Variants in MYO1E observed in about 807,000 individuals in gnomAD.
MYO1E encodes unconventional myosin-Ie.
Under a neutral mutation model 151.1 loss-of-function variants are expected in MYO1E, and 68 were observed. The observed-to-expected ratio is 0.45, with a 90% confidence interval of 0.37 to 0.55. The LOEUF is 0.55. Among genes scored for constraint, MYO1E ranks in the 20% least tolerant of loss-of-function variants. The pLI is 0.00. For missense variants in MYO1E, 1,363 were observed against 1,389.3 expected (o/e 0.98, Z 0.30); for synonymous variants, 601 against 501.7 (o/e 1.20, Z -2.64).
At chr15:59,139,848 C>T (rs1382390662) in intron 26 of MYO1E, among the ~76,000 whole-genome samples, 1 of 151,978 alleles carries the variant, frequency 6.6e-6, no homozygotes, top group Non-Finnish European at 1.5e-5. Context: ...ACTCCACAAT[C>T]TTCCCTCCCA....
At chr15:59,357,187 T>TG (rs1414622710) in intron 1 of MYO1E, among the ~76,000 whole-genome samples, 1 of 151,952 alleles carries the variant, frequency 6.6e-6, no homozygotes, top group Non-Finnish European at 1.5e-5. Context: ...ATTACAGGTG[T>TG]GAGCCACCGT....
At chr15:59,266,507 G>C (rs574985903) in intron 2 of MYO1E, among the ~76,000 whole-genome samples, 2 of 152,106 alleles carry the variant, frequency 1.3e-5, no homozygotes, top group Admixed American at 6.5e-5. Flanking sequence ...AACAAACAAT[G>C]CACTGAATTT....
intron 24 of MYO1E, among the ~76,000 whole-genome samples, chr15:59,158,943 C>G (rs2079523135): frequency 6.6e-6 from 1 of 152,178 alleles, no homozygotes; most frequent in African/African-American, 2.4e-5. Flanking sequence ...AAGGAACACA[C>G]TGTGGGTCAC....
In MYO1E at chr15:59,143,539, C is replaced by A. The variant is rs545918657; in HGVS notation, c.3081-5172G>T. 1.6e-4 allele frequency among the ~76,000 whole-genome samples: 24 copies of A among 152,250 alleles called. No homozygotes were observed. In the South Asian group the frequency reaches 4.8e-3, roughly 30 times the overall value. Reference sequence around the variant, plus strand: ...CTGGCCAGCCTGCACATGTCTACACCCTTCTTGTGAGGGCTAGCAGACAGG... The same window carrying A: ...CTGGCCAGCCTGCACATGTCTACACACTTCTTGTGAGGGCTAGCAGACAGG... On this transcript the variant is annotated intron_variant, in intron 26 of 27. Coordinates refer to ENST00000288235, the MANE Select transcript of MYO1E (RefSeq NM_004998.4).
chr15:59,245,273 C>A (rs1248179864), intron 4 of MYO1E, among the ~76,000 whole-genome samples: 1 of 152,212 alleles, frequency 6.6e-6, no homozygotes, highest in Non-Finnish European at 1.5e-5. Context: ...ACGAGAGACC[C>A]ACGAGCCAAA....
At chr15:59,234,212 T>TGATGGATGGATGGATGGATG (rs534252194) in intron 5 of MYO1E, among the ~76,000 whole-genome samples, 1 of 149,046 alleles carries the variant, frequency 6.7e-6, no homozygotes, top group Non-Finnish European at 1.5e-5. Flanking sequence ...CACTGATCAC[T>TGATGGATGGATGGATGGATG]GATGGATGGA....
At chr15:59,210,642 G>T (rs2079873191) in intron 12 of MYO1E, 42 bp from the exon 13 acceptor site, 7 of 1,396,112 alleles carry the variant, frequency 5.0e-6, no homozygotes, top group African/African-American at 2.8e-5. Context: ...TTCCCAGATA[G>T]CAAGAGCTCT....
chr15:59,204,232 G>A (rs1175874752), intron 15 of MYO1E, among the ~76,000 whole-genome samples: 2 of 152,234 alleles, frequency 1.3e-5, no homozygotes, highest in Non-Finnish European at 2.9e-5. Context: ...AAATGGTGGT[G>A]TGGCTGCAAG....
chr15:59,163,762 C>G (rs1022669135), intron 22 of MYO1E, among the ~76,000 whole-genome samples: 1 of 152,142 alleles, frequency 6.6e-6, no homozygotes, highest in African/African-American at 2.4e-5. Flanking sequence ...GAATCATAAG[C>G]TCGGTTCTCA....
At chr15:59,144,755 T>A (rs2079430758) in intron 26 of MYO1E, among the ~76,000 whole-genome samples, 1 of 152,212 alleles carries the variant, frequency 6.6e-6, no homozygotes, top group East Asian at 1.9e-4. Flanking sequence ...AACAGCCATT[T>A]TCCCAGACTC....
chr15:59,197,179 G>C (rs1323958905), intron 16 of MYO1E, among the ~76,000 whole-genome samples: 5 of 151,854 alleles, frequency 3.3e-5, no homozygotes, highest in African/African-American at 1.2e-4. Context: ...TTATAGTAGA[G>C]ATGGGGTTTC....
In MYO1E at chr15:59,171,927, T is replaced by G. The variant is rs757642502; in HGVS notation, c.2450A>C (p.Glu817Ala). ...GGACACAGACAAGATCCGTTCTATC[T>G]CGATTTTCCGCTTCAGGACTTCTTT... ...LVKEVLKRKI[E>A]IERILSVSLS... The change falls in exon 22 of 28, where the codon GAG (glutamate) becomes GCG (alanine). Residue 817 changes from glutamate (E) to alanine (A), a missense_variant. Glu to Ala is a moderately radical substitution (Grantham distance 107). Transcript: ENST00000288235. The G allele has an allele frequency of 4.3e-6, 7 of 1,614,178 alleles. No homozygotes were observed. The highest frequency in any genetic ancestry group is 1.7e-6 in the Non-Finnish European group (2 of 1,180,034).
At chr15:59,225,664 TGAGAC>T (rs2079985888) in intron 7 of MYO1E, among the ~76,000 whole-genome samples, 1 of 144,766 alleles carries the variant, frequency 6.9e-6, no homozygotes, top group Admixed American at 7.0e-5. Context: ...TTTTTTTTTT[TGAGAC>T]GGAGTCTCAC....
At chr15:59,370,543 GC>G (rs1345816317) in intron 1 of MYO1E, among the ~76,000 whole-genome samples, 2 of 152,156 alleles carry the variant, frequency 1.3e-5, no homozygotes, top group Admixed American at 1.3e-4. Context: ...CACACAACAT[GC>G]CCATCTGTGC....
intron 14 of MYO1E, chr15:59,207,613 C>T: frequency 6.2e-7 from 1 of 1,614,108 alleles, no homozygotes; most frequent in South Asian, 1.1e-5. Flanking sequence ...CTTGATTGGA[C>T]AAAAGCTTGG....
At chr15:59,281,217 G>A (rs1273354544) in intron 1 of MYO1E, among the ~76,000 whole-genome samples, 1 of 151,930 alleles carries the variant, frequency 6.6e-6, no homozygotes, top group Non-Finnish European at 1.5e-5. Flanking sequence ...TGTCTGCCCT[G>A]GGATTACTAT....
At chr15:59,296,709 G>A (rs1212459256) in intron 1 of MYO1E, among the ~76,000 whole-genome samples, 3 of 152,114 alleles carry the variant, frequency 2.0e-5, no homozygotes, top group Admixed American at 2.0e-4. Context: ...CCAGAGTAAA[G>A]CAGACAACTG....
chr15:59,206,084 A>G (rs2079831905), intron 14 of MYO1E, among the ~76,000 whole-genome samples: 1 of 152,018 alleles, frequency 6.6e-6, no homozygotes, highest in African/African-American at 2.4e-5. Flanking sequence ...ACCTCAACTT[A>G]ACTTTTTTAT....
intron 1 of MYO1E, among the ~76,000 whole-genome samples, chr15:59,309,624 T>C (rs928251737): frequency 3.3e-5 from 5 of 152,198 alleles, no homozygotes; most frequent in African/African-American, 1.2e-4. Context: ...CCACTCAGTA[T>C]GGCAGTAGCT....
Sources: gnomAD v4.1 joint callset for allele counts (sites outside exome capture counted in the v4.1 genomes callset) on GRCh38, gnomAD v4.1.1 for gene constraint, MANE v1.5 for transcripts, NCBI Gene and HGNC (gene_info 2026-07-23, HGNC 2026-07-21) for gene names.